Variants in CSMD3 observed in about 807,000 individuals in gnomAD.
The protein encoded by CSMD3 is CUB and Sushi multiple domains 3, also known as CUB and sushi domain-containing protein 3.
In CSMD3, 177 loss-of-function variants were observed where a neutral mutation model predicts 435.2. That is an observed-to-expected ratio of 0.41 (90% CI 0.36 to 0.46). The LOEUF is 0.46. Among genes scored for constraint, CSMD3 ranks in the 20% least tolerant of loss-of-function variants. CSMD3 has a pLI of 0.34. For synonymous variants in CSMD3, 1,656 were observed against 1,520.5 expected (o/e 1.09, Z -2.07); for missense variants, 4,265 against 4,504.6 (o/e 0.95, Z 1.52).
chr8:112,722,080 G>A (rs772464620), intron 13 of CSMD3, among the ~76,000 whole-genome samples: 5 of 151,638 alleles, frequency 3.3e-5, no homozygotes, highest in Non-Finnish European at 7.4e-5. Flanking sequence ...ACATAAGGCT[G>A]TGTAGGGAAT....
chr8:112,277,866 A>G (rs1426627506), intron 59 of CSMD3, among the ~76,000 whole-genome samples: 1 of 152,122 alleles, frequency 6.6e-6, no homozygotes, highest in African/African-American at 2.4e-5. Flanking sequence ...CCACGAGAAC[A>G]GTATGGGGGA....
intron 1 of CSMD3, among the ~76,000 whole-genome samples, chr8:113,322,839 G>A (rs903129439): frequency 3.9e-5 from 6 of 152,088 alleles, no homozygotes; most frequent in East Asian, 1.9e-4. Context: ...TCCACTTCCC[G>A]GGTTCAAGCG....
intron 4 of CSMD3, among the ~76,000 whole-genome samples, chr8:113,159,554 G>C (rs2091998653): frequency 6.6e-6 from 1 of 151,894 alleles, no homozygotes; most frequent in South Asian, 2.1e-4. Flanking sequence ...AACTAAGTTT[G>C]TCAGGTTATT....
chr8:113,107,727 AGGCTGTGTTCTTG>A (rs2090522589), intron 4 of CSMD3, among the ~76,000 whole-genome samples: 1 of 152,156 alleles, frequency 6.6e-6, no homozygotes, highest in Admixed American at 6.6e-5. Context: ...ATCTGGATGG[AGGCTGTGTTCTTG>A]GGCAGCTTCA....
At chr8:112,373,024 T>TATATA (rs199523764) in intron 38 of CSMD3, among the ~76,000 whole-genome samples, 10 of 82,774 alleles carry the variant, frequency 1.2e-4, no homozygotes, top group Non-Finnish European at 2.7e-4. Context: ...ATATATATAT[T>TATATA]TTTTTTCTCA....
intron 23 of CSMD3, among the ~76,000 whole-genome samples, chr8:112,578,062 A>G (rs1197682512): frequency 6.6e-6 from 1 of 152,084 alleles, no homozygotes; most frequent in Non-Finnish European, 1.5e-5. Context: ...TGGAAATTAA[A>G]TACATTTTCT....
intron 32 of CSMD3, 128 bp from the exon 33 acceptor site, chr8:112,409,160 T>C: frequency 6.7e-7 from 1 of 1,503,170 alleles, no homozygotes; most frequent in Non-Finnish European, 8.9e-7. Flanking sequence ...ATTTTTTTTC[T>C]ACCTAAAAGA....
At position 112,829,869 on chromosome 8, in the gene CSMD3, C is replaced by T. The variant is rs1216723604; in HGVS notation, c.1756-80G>A. On this transcript the variant is annotated intron_variant, in intron 11 of 70. Coordinates refer to ENST00000297405, the MANE Select transcript of CSMD3 (RefSeq NM_198123.2). Reference sequence around the variant, plus strand: ...AACAAAAAAAGCAATGACAGAAATGCATTCTTTGTCTCTCTGCACACACAC... The same window carrying T: ...AACAAAAAAAGCAATGACAGAAATGTATTCTTTGTCTCTCTGCACACACAC... 12 of 719,626 alleles carry T rather than the reference C, an allele frequency of 1.7e-5. No individual in the cohort carries two copies. The East Asian group carries it at 2.7e-4, about 16-fold the overall frequency. The allele number at this position is 719,626 out of a possible 1,614,324, so 44.6% of individuals were successfully genotyped here.
chr8:112,335,722 C>A (rs1586802994), intron 44 of CSMD3, among the ~76,000 whole-genome samples: 1 of 147,458 alleles, frequency 6.8e-6, no homozygotes, highest in African/African-American at 2.5e-5. Context: ...TAGTTATAAT[C>A]AATACATTGT....
chr8:113,241,110 T>C (rs1485764540), intron 3 of CSMD3, among the ~76,000 whole-genome samples: 2 of 152,208 alleles, frequency 1.3e-5, no homozygotes, highest in African/African-American at 4.8e-5. Flanking sequence ...TACTTTGTAT[T>C]GCCTTTCAGG....
At chr8:113,244,268 G>C (rs2093252496) in intron 3 of CSMD3, among the ~76,000 whole-genome samples, 1 of 152,102 alleles carries the variant, frequency 6.6e-6, no homozygotes, top group Non-Finnish European at 1.5e-5. Context: ...TTCATTATGA[G>C]TTTTGTAATT....
chr8:112,333,794 T>C (rs976712861), intron 45 of CSMD3, among the ~76,000 whole-genome samples: 1 of 152,286 alleles, frequency 6.6e-6, no homozygotes, highest in East Asian at 1.9e-4. Flanking sequence ...TGGATATTTA[T>C]AGTTCATCAA....
At chr8:113,198,762 A>G (rs1376260881) in intron 3 of CSMD3, among the ~76,000 whole-genome samples, 3 of 151,244 alleles carry the variant, frequency 2.0e-5, no homozygotes, top group African/African-American at 2.4e-5. Flanking sequence ...GAAGCTCTCT[A>G]CTGACCATTT....
intron 27 of CSMD3, among the ~76,000 whole-genome samples, chr8:112,536,331 A>G (rs1826076147): frequency 1.3e-5 from 2 of 152,162 alleles, no homozygotes; most frequent in African/African-American, 4.8e-5. Flanking sequence ...TACAAGAAAA[A>G]CTAAACAACC....
chr8:112,748,530 T>C (rs2077493449), intron 13 of CSMD3, among the ~76,000 whole-genome samples: 1 of 151,986 alleles, frequency 6.6e-6, no homozygotes, highest in Non-Finnish European at 1.5e-5. Context: ...GAATCTGTTG[T>C]TTTCTTTGTG....
At chr8:112,940,151 A>G (rs1045071008) in intron 9 of CSMD3, among the ~76,000 whole-genome samples, 3 of 151,964 alleles carry the variant, frequency 2.0e-5, no homozygotes, top group African/African-American at 7.2e-5. Context: ...TTACATTATG[A>G]TAATAAACTT....
At chr8:112,997,298 C>A (rs1272898846) in intron 6 of CSMD3, among the ~76,000 whole-genome samples, 1 of 151,558 alleles carries the variant, frequency 6.6e-6, no homozygotes, top group Non-Finnish European at 1.5e-5. Flanking sequence ...ATTTTATTAA[C>A]TAAAAACTCA....
chr8:112,851,495 G>C (rs1259199789), intron 11 of CSMD3, among the ~76,000 whole-genome samples: 2 of 152,114 alleles, frequency 1.3e-5, no homozygotes, highest in Admixed American at 6.5e-5. Flanking sequence ...AGCCGGGCGC[G>C]GTGGCTCATG....
chr8:113,199,340 CA>C (rs2092693286), intron 3 of CSMD3, among the ~76,000 whole-genome samples: 1 of 151,532 alleles, frequency 6.6e-6, no homozygotes, highest in South Asian at 2.1e-4. Flanking sequence ...GGTTAACAGA[CA>C]AAACATTGAA....
Sources: gnomAD v4.1 joint callset for allele counts (sites outside exome capture counted in the v4.1 genomes callset) on GRCh38, gnomAD v4.1.1 for gene constraint, MANE v1.5 for transcripts, NCBI Gene and HGNC (gene_info 2026-07-23, HGNC 2026-07-21) for gene names.